The following LIPG variants were observed in gnomAD, a reference collection of about 807,000 sequenced individuals.
LIPG encodes lipase G, endothelial type, also known as endothelial lipase.
In LIPG, 34 loss-of-function variants were observed where a neutral mutation model predicts 51.8. The ratio of observed to expected loss-of-function variants is 0.66; its 90% CI spans 0.50 to 0.87. The LOEUF (loss-of-function observed/expected upper bound fraction) is 0.87, where lower values mean the gene tolerates loss of function less well. LIPG is among the 40% of genes least tolerant of loss of function. The pLI is 0.00. For missense variants in LIPG, 580 were observed against 652.7 expected (o/e 0.89, Z 1.21); for synonymous variants, 246 against 246.1 (o/e 1.00, Z 0.00).
chr18:49,564,571 G>A (rs2084582794), intron 1 of LIPG, among the ~76,000 whole-genome samples: 1 of 152,248 alleles, frequency 6.6e-6, no homozygotes, highest in Non-Finnish European at 1.5e-5. Context: ...GCCATCACTA[G>A]AAAGGGCACT....
In LIPG at chr18:49,563,316, G is replaced by C. The variant is rs148654870; in HGVS notation, c.97+911G>C. ...TTTCCAACTCTGGTGCTAACTAGAA[G>C]CATTGCCTAGGGCAGGTCTCATCTC... On this transcript the variant is annotated intron_variant, in intron 1 of 9. Coordinates refer to ENST00000261292, the MANE Select transcript of LIPG (RefSeq NM_006033.4). 3.6e-3 allele frequency among the ~76,000 whole-genome samples: 549 copies of C among 152,282 alleles called. 2 individuals carry two copies. Among genetic ancestry groups the C allele is most frequent in the African/African-American group, 0.012 (505 of 41,546 alleles).
intron 2 of LIPG, among the ~76,000 whole-genome samples, chr18:49,567,166 G>C (rs1385794131): frequency 6.6e-6 from 1 of 152,074 alleles, no homozygotes; most frequent in Non-Finnish European, 1.5e-5. Flanking sequence ...GTGAGACCCT[G>C]TTGCTGCAAA....
At chr18:49,583,898 T>G in intron 8 of LIPG, 124 bp downstream of exon 8, 1 of 837,946 alleles carries the variant, frequency 1.2e-6, no homozygotes, top group South Asian at 1.7e-5. Context: ...AGGTAAAACT[T>G]CAAACACCTT....
chr18:49,571,587 C>T (rs2084664059), intron 4 of LIPG, among the ~76,000 whole-genome samples: 1 of 152,202 alleles, frequency 6.6e-6, no homozygotes, highest in Admixed American at 6.5e-5. Flanking sequence ...TGTCCAGTTG[C>T]CAAGCAGCAC....
In LIPG at chr18:49,590,596, C is replaced by T. The variant is rs2084932253; in HGVS notation, c.*74C>T. 3 of 1,428,138 alleles carry T rather than the reference C, an allele frequency of 2.1e-6. No individual in the cohort carries two copies. The highest frequency in any genetic ancestry group is 2.9e-6 in the Non-Finnish European group (3 of 1,032,322). The allele number at this position is 1,428,138 out of a possible 1,614,324, so 88.5% of individuals were successfully genotyped here. Reference sequence around the variant, plus strand: ...CCAAGCCCATGGAGGAAAGTTACTGCTGAGGACCCACCCAATGGAAGGATT... The same window carrying T: ...CCAAGCCCATGGAGGAAAGTTACTGTTGAGGACCCACCCAATGGAAGGATT... On this transcript the variant is annotated 3_prime_UTR_variant, in exon 10 of 10. Transcript: ENST00000261292.
At chr18:49,569,600 A>G (rs1248538732) in intron 4 of LIPG, 52 bp downstream of exon 4, 2 of 1,369,332 alleles carry the variant, frequency 1.5e-6, no homozygotes, top group African/African-American at 2.9e-5. Context: ...CTAAGCCGGA[A>G]TGCTCCCAAA....
chr18:49,575,738 C>T (rs1014751073), intron 5 of LIPG, 148 bp downstream of exon 5: 3 of 730,994 alleles, frequency 4.1e-6, no homozygotes, highest in African/African-American at 1.7e-5. Flanking sequence ...TAATATTTCT[C>T]ATTGTTCCCC....
At position 49,569,452 on chromosome 18, in the gene LIPG, T is replaced by C. The variant is rs748338153; in HGVS notation, c.475T>C (p.Ser159Pro). ...LDWLQEKDDFSLGNVHLIGYS... is the reference protein window; with the variant it reads ...LDWLQEKDDFPLGNVHLIGYS... ...CTTTCTATAGGAGAAGGACGATTTT[T>C]CTCTCGGGAATGTCCACTTGATCGG... Residue 159 changes from serine to proline, a missense_variant, in exon 4 of 10, where the codon TCT becomes CCT. Ser to Pro is a moderately conservative substitution (Grantham distance 74). Transcript: ENST00000261292. 3.1e-6 allele frequency: 5 copies of C among 1,614,056 alleles called. No homozygotes were observed. The highest frequency in any genetic ancestry group is 1.1e-5 in the South Asian group (1 of 91,082).
chr18:49,578,873 G>A (rs1287298411), intron 5 of LIPG, among the ~76,000 whole-genome samples: 6 of 134,584 alleles, frequency 4.5e-5, no homozygotes, highest in East Asian at 2.0e-4. Flanking sequence ...CCAGTCAGGC[G>A]TGGTGGCGCG....
chr18:49,570,485 A>T (rs2084650972), intron 4 of LIPG, among the ~76,000 whole-genome samples: 1 of 152,120 alleles, frequency 6.6e-6, no homozygotes, highest in Admixed American at 6.5e-5. Context: ...AAGGGTGATC[A>T]CCTAGAAGGA....
chr18:49,592,756 T>C lies in LIPG; in HGVS notation c.*2234T>C, dbSNP rs2084958177. 6.6e-6 allele frequency: 1 copy of C among 152,154 alleles called. No individual in the cohort carries two copies. The highest frequency in any genetic ancestry group is 1.5e-5 in the Non-Finnish European group (1 of 68,036). The allele number at this position is 152,154 out of a possible 1,614,324, so 9.4% of individuals were successfully genotyped here. On this transcript the variant is annotated 3_prime_UTR_variant, in exon 10 of 10. Transcript: ENST00000261292. The stretch of plus-strand genomic sequence containing the variant: ...GGCTTGAAGCCTTAATTGTATATAA[T>C]GATGCTTTTTAAAAAATGCTATTTG...
chr18:49,590,230 T>C, intron 9 of LIPG: 2 of 555,930 alleles, frequency 3.6e-6, no homozygotes, highest in South Asian at 3.8e-5. Flanking sequence ...GGATAATATG[T>C]AAATGCAAGA....
chr18:49,569,126 CCT>C (rs1184458262), intron 3 of LIPG, among the ~76,000 whole-genome samples: 1 of 152,028 alleles, frequency 6.6e-6, no homozygotes, highest in Non-Finnish European at 1.5e-5. Flanking sequence ...ATCACCCTCC[CCT>C]CTCTTAGATA....
chr18:49,570,668 A>G (rs373079009), intron 4 of LIPG, among the ~76,000 whole-genome samples: 1 of 152,156 alleles, frequency 6.6e-6, no homozygotes, highest in African/African-American at 2.4e-5. Context: ...GTCTCTACTA[A>G]AAATACAAAA....
chr18:49,582,731 G>A (rs2084834226), intron 7 of LIPG, among the ~76,000 whole-genome samples: 1 of 152,198 alleles, frequency 6.6e-6, no homozygotes. Context: ...GAAGCTGCTG[G>A]GTCAGCAGCT....
chr18:49,573,646 A>G (rs960707383), intron 4 of LIPG, among the ~76,000 whole-genome samples: 1 of 152,228 alleles, frequency 6.6e-6, no homozygotes, highest in East Asian at 1.9e-4. Context: ...AGCCTCTACC[A>G]GTTCTCATAT....
intron 9 of LIPG, chr18:49,590,235 G>T: frequency 3.7e-5 from 20 of 539,390 alleles, no homozygotes; most frequent in Non-Finnish European, 5.1e-5. Context: ...ATATGTAAAT[G>T]CAAGAACTGT....
In LIPG at chr18:49,597,225, T is replaced by C. The variant is rs1051600304; in HGVS notation, c.*6703T>C. On this transcript the variant is annotated 3_prime_UTR_variant, in exon 10 of 10. Coordinates refer to ENST00000261292, the MANE Select transcript of LIPG (RefSeq NM_006033.4). ...TAGGCTAGATCTGCTTGGGAATCTT[T>C]CTTCTAATCGAGGCCCCTAAAATAT... The C allele has an allele frequency of 6.6e-6, 1 of 152,212 alleles. No homozygotes were observed. The highest frequency in any genetic ancestry group is 2.4e-5 in the African/African-American group (1 of 41,446). The allele number at this position is 152,212 out of a possible 1,614,324, so 9.4% of individuals were successfully genotyped here. A position where few individuals can be genotyped will look rare whatever the true frequency, so the allele number is the denominator to read the frequency against.
chr18:49,586,478 T>TTTG (rs148646072), intron 8 of LIPG, among the ~76,000 whole-genome samples: 1 of 105,286 alleles, frequency 9.5e-6, no homozygotes, highest in Non-Finnish European at 2.2e-5. Context: ...GCTATGGCCT[T>TTTG]GAGAGGCAGG....
Sources: allele counts gnomAD v4.1 joint callset (sites outside exome capture counted in the v4.1 genomes callset), GRCh38; gene constraint gnomAD v4.1.1; transcripts MANE v1.5; gene names NCBI Gene and HGNC (gene_info 2026-07-23, HGNC 2026-07-21).